FLYWCH1: variants seen among roughly 807,000 people sequenced by gnomAD.
The protein encoded by FLYWCH1 is FLYWCH-type zinc finger-containing protein 1.
In FLYWCH1, 75 loss-of-function variants were observed where a neutral mutation model predicts 66.4. The observed-to-expected ratio is 1.13, with a 90% CI of 0.94 to 1.37. FLYWCH1 has a LOEUF of 1.37. FLYWCH1 is among the 40% of genes most tolerant of loss of function. FLYWCH1 has a pLI of 0.00. For synonymous variants in FLYWCH1, 595 were observed against 429.9 expected, an observed-to-expected ratio of 1.38 and a Z score of -4.75; for missense variants, 1,334 against 1,001.8, an observed-to-expected ratio of 1.33 and a Z score of -4.48.
chr16:2,936,202 T>G (rs2070991852), intron 6 of FLYWCH1: 1 of 346,686 alleles, frequency 2.9e-6, no homozygotes, highest in East Asian at 7.8e-5. Context: ...TGAGCCACCG[T>G]GCGCAGCCCC....
rs1003303229 is a variant in FLYWCH1 at position 2,937,200 on chromosome 16, G to GGCCCCTCCC, written c.1596_1597insCCTCCCGCC (p.Ala532_Gly533insProProAla). 1 of 1,507,642 alleles carries GGCCCCTCCC rather than the reference G, an allele frequency of 6.6e-7. No homozygotes were observed. The highest frequency in any genetic ancestry group is 8.9e-7 in the Non-Finnish European group (1 of 1,127,742). The allele number at this position is 1,507,642 out of a possible 1,614,324, so 93.4% of individuals were successfully genotyped here. ...CCTTCCTCTACCGGCGGGAGAAGGC[G>GGCCCCTCCC]GCCGGGGAGAAGGTGTATTGGACCT... On this transcript the variant is annotated inframe_insertion, in exon 7 of 10. Coordinates refer to ENST00000253928, the MANE Select transcript of FLYWCH1 (RefSeq NM_001308068.2).
At chr16:2,929,590 C>A in intron 2 of FLYWCH1, 23 bp from the exon 3 acceptor site, 1 of 1,436,656 alleles carries the variant, frequency 7.0e-7, no homozygotes, top group Non-Finnish European at 9.3e-7. Flanking sequence ...CCACCACTGA[C>A]GGGATTTTGC....
intron 9 of FLYWCH1, among the ~76,000 whole-genome samples, chr16:2,943,063 C>A (rs1017245950): frequency 2.0e-5 from 3 of 152,124 alleles, no homozygotes; most frequent in Non-Finnish European, 4.4e-5. Flanking sequence ...CCCCAAATAA[C>A]AACTGCTCAC....
chr16:2,918,146 CCT>C (rs2070237012), intron 2 of FLYWCH1, among the ~76,000 whole-genome samples: 2 of 98,308 alleles, frequency 2.0e-5, no homozygotes, highest in African/African-American at 4.2e-5. Flanking sequence ...GCCTTGGATT[CCT>C]TTTTTTTTTT....
chr16:2,937,322 G>A lies in FLYWCH1; in HGVS notation c.1715G>A (p.Gly572Asp), dbSNP rs1369031565. 2 of 1,602,092 alleles carry A rather than the reference G, an allele frequency of 1.2e-6. No homozygotes were observed. The highest frequency in any genetic ancestry group is 2.2e-5 in the East Asian group (1 of 44,530). The change falls in exon 7 of 10, where the codon GGC becomes GAC. Residue 572 changes from glycine to aspartate, a missense_variant. Transcript: ENST00000253928. ...MRRHCHPPDL[G>D]GLEALRQREH... ...AGGCACTGCCACCCACCGGACCTGG[G>A]CGGCCTGGAGGCCCTGCGGCAGCGG... is the stretch of plus-strand genomic sequence containing the variant.
intron 9 of FLYWCH1, among the ~76,000 whole-genome samples, chr16:2,942,930 G>A (rs933152154): frequency 9.2e-5 from 14 of 151,474 alleles, no homozygotes; most frequent in Non-Finnish European, 1.5e-4. Context: ...ACGAACTCCC[G>A]ACCTCAAGTG....
Position 2,948,823 on chromosome 16 carries a change from C to A in FLYWCH1, c.*96C>A. ...CCACCTAGGTTTGGCTTAGCAGAAA[C>A]TTCTTTTCATTCTTCCAAAGCATCG... On this transcript the variant is annotated 3_prime_UTR_variant, in exon 10 of 10. Coordinates refer to ENST00000253928, the MANE Select transcript of FLYWCH1 (RefSeq NM_001308068.2). 8.9e-7 allele frequency: 1 copy of A among 1,120,210 alleles called. No homozygotes were observed. The highest frequency in any genetic ancestry group is 1.3e-6 in the Non-Finnish European group (1 of 740,974). 69.4% of individuals were successfully genotyped at this position (1,120,210 alleles called of 1,614,324 possible). A position where few individuals can be genotyped will look rare whatever the true frequency, so the allele number is the denominator to read the frequency against.
rs756744655 is a variant in FLYWCH1, at chr16:2,937,125, C to T, written c.1518C>T (p.Gly506=). The T allele has an allele frequency of 6.1e-5, 98 of 1,603,346 alleles. No homozygotes were observed. Among genetic ancestry groups the T allele is most frequent in the Non-Finnish European group, 8.0e-5 (94 of 1,175,570 alleles). Residue 506 remains glycine (G), a synonymous_variant, in exon 7 of 10, where the codon GGC becomes GGT. Coordinates refer to ENST00000253928, the MANE Select transcript of FLYWCH1 (RefSeq NM_001308068.2). ...TCCCCTCCCATTTCTCAACAGGAGGCCCCGAGTTCCTGAAGACGCCCCTGG... is the reference window on the plus strand; with the variant it reads ...TCCCCTCCCATTTCTCAACAGGAGGTCCCGAGTTCCTGAAGACGCCCCTGG... ...PNTAQRGSPG[G]PEFLKTPLGG...
intron 9 of FLYWCH1, among the ~76,000 whole-genome samples, chr16:2,943,082 A>G (rs866725918): frequency 6.6e-6 from 1 of 152,162 alleles, no homozygotes; most frequent in South Asian, 2.1e-4. Flanking sequence ...ACTCTTTTCT[A>G]TACAAATCAT....
chr16:2,926,691 C>A (rs1241725734), intron 2 of FLYWCH1, among the ~76,000 whole-genome samples: 3 of 152,090 alleles, frequency 2.0e-5, no homozygotes, highest in Non-Finnish European at 2.9e-5. Context: ...ATGATAACAC[C>A]CAAAAGGTTA....
chr16:2,934,936 T>G (rs74534443), intron 6 of FLYWCH1: 1 of 151,070 alleles, frequency 6.6e-6, no homozygotes, highest in Non-Finnish European at 1.3e-5. Flanking sequence ...TTTTTTTTTT[T>G]TCTTTGAGAC....
intron 9 of FLYWCH1, among the ~76,000 whole-genome samples, chr16:2,940,796 A>T (rs2071228301): frequency 6.6e-6 from 1 of 152,088 alleles, no homozygotes; most frequent in African/African-American, 2.4e-5. Flanking sequence ...GTATCATTTC[A>T]GTCCTTTCAC....
In FLYWCH1 at chr16:2,920,430, G is replaced by A. The variant is rs149976197; in HGVS notation, c.-74+6141G>A. Among the ~76,000 whole-genome samples, 269 of 151,634 alleles carry A rather than the reference G, an allele frequency of 1.8e-3. 4 individuals are homozygous for A. Among genetic ancestry groups the A allele is most frequent in the South Asian group, 0.01 (50 of 4,796 alleles). ...CTCAGGAGGCTGAGGCCTGAGAATCGCTTGACCCAGGAGGCGGAGGTTGCA... is the reference window on the plus strand; with the variant it reads ...CTCAGGAGGCTGAGGCCTGAGAATCACTTGACCCAGGAGGCGGAGGTTGCA... On this transcript the variant is annotated intron_variant, in intron 2 of 9. Transcript: ENST00000253928.
intron 2 of FLYWCH1, among the ~76,000 whole-genome samples, chr16:2,921,389 G>A (rs1035654377): frequency 6.6e-6 from 1 of 151,134 alleles, no homozygotes. Context: ...AGGGAGGATG[G>A]TTGCTCCCTT....
chr16:2,939,550 A>C (rs1313731238), intron 8 of FLYWCH1, among the ~76,000 whole-genome samples: 1 of 151,882 alleles, frequency 6.6e-6, no homozygotes, highest in Admixed American at 6.6e-5. Context: ...GTCTCTAAAA[A>C]AAAAGTTTAT....
intron 9 of FLYWCH1, among the ~76,000 whole-genome samples, chr16:2,942,713 C>T: frequency 7.7e-6 from 1 of 129,060 alleles, no homozygotes. Context: ...TGGCTGGCAT[C>T]TGGGAACTTT....
intron 4 of FLYWCH1, among the ~76,000 whole-genome samples, chr16:2,931,148 C>T (rs368179879): frequency 6.6e-6 from 1 of 151,422 alleles, no homozygotes; most frequent in Admixed American, 6.6e-5. Context: ...ACTAAAAATA[C>T]AACACTTAGC....
At chr16:2,928,415 C>T (rs1179997335) in intron 2 of FLYWCH1, among the ~76,000 whole-genome samples, 1 of 152,150 alleles carries the variant, frequency 6.6e-6, no homozygotes, top group African/African-American at 2.4e-5. Context: ...CTTTCTTGGG[C>T]GGAGCTCCCT....
intron 2 of FLYWCH1, chr16:2,915,331 T>A (rs1470515456): frequency 6.6e-6 from 1 of 151,922 alleles, no homozygotes; most frequent in African/African-American, 2.4e-5. Flanking sequence ...AGAGACAGGG[T>A]TTTACCGTGT....
Sources: allele counts gnomAD v4.1 joint callset (sites outside exome capture counted in the v4.1 genomes callset), GRCh38; gene constraint gnomAD v4.1.1; transcripts MANE v1.5; gene names NCBI Gene and HGNC (gene_info 2026-07-23, HGNC 2026-07-21).